The following OR4K17 variants were observed in gnomAD, a reference collection of about 807,000 sequenced individuals.
The protein encoded by OR4K17 is olfactory receptor family 4 subfamily K member 17.
For missense variants in OR4K17, 480 were observed against 366.3 expected (o/e 1.31, Z -2.53); for synonymous variants, 157 against 132.8 (o/e 1.18, Z -1.25).
chr14:20,117,580 C>T lies in OR4K17; in HGVS notation c.81C>T (p.Leu27=), dbSNP rs2139056188. The T allele has an allele frequency of 6.2e-7, 1 of 1,613,946 alleles. No individual in the cohort carries two copies. Among genetic ancestry groups the T allele is most frequent in the African/African-American group, 1.3e-5 (1 of 74,982 alleles). Residue 27 remains leucine, a synonymous_variant, in exon 2 of 2, where the codon CTC becomes CTT. Coordinates refer to ENST00000641386, the MANE Select transcript of OR4K17 (RefSeq NM_001004715.5). ...LTSSQDVEFL[L]FALFSVIYVV... Reference sequence around the variant, plus strand: ...GCTCCCAGGATGTAGAGTTTCTTCTCTTTGCCCTCTTCTCGGTTATCTATG... The same window carrying T: ...GCTCCCAGGATGTAGAGTTTCTTCTTTTTGCCCTCTTCTCGGTTATCTATG...
chr14:20,112,067 AGAG>A (rs1877894544), intron 1 of OR4K17: 1 of 152,052 alleles, frequency 6.6e-6, no homozygotes, highest in African/African-American at 2.4e-5. Context: ...TCATTTATTC[AGAG>A]GAGTAAGGAA....
At chr14:20,111,929 C>T (rs1877891350) in intron 1 of OR4K17, 1 of 152,014 alleles carries the variant, frequency 6.6e-6, no homozygotes, top group Non-Finnish European at 1.5e-5. Flanking sequence ...CCAGTTTCTT[C>T]CTGCAGTGGA....
In OR4K17 at chr14:20,119,235, AAAGTGCCC is replaced by A. The variant is rs1878100445; in HGVS notation, c.*799_*806del. The A allele has an allele frequency of 6.6e-6, 1 of 152,160 alleles. No homozygotes were observed. Among genetic ancestry groups the A allele is most frequent in the South Asian group, 2.1e-4 (1 of 4,830 alleles). 9.4% of individuals were successfully genotyped at this position (152,160 alleles called of 1,614,324 possible). On this transcript the variant is annotated 3_prime_UTR_variant, in exon 2 of 2. Coordinates refer to ENST00000641386, the MANE Select transcript of OR4K17 (RefSeq NM_001004715.5). ...ATCGCTGTTATCCTGTTCTTTTTTC[AAAGTGCCC>A]AGATTTCATATTGTTTAAACACACA...
rs953599847 is a variant in OR4K17 at position 20,117,621 on chromosome 14, G to C, written c.122G>C (p.Gly41Ala). ...GTTATCTATGTGGTCACAGTTTTGG[G>C]TAACCTTCTTATTATAGTCACAGTG... ...FSVIYVVTVLGNLLIIVTVFN... is the reference protein window; with the variant it reads ...FSVIYVVTVLANLLIIVTVFN... Residue 41 changes from glycine to alanine, a missense_variant, in exon 2 of 2, where the codon GGT (glycine) becomes GCT (alanine). Coordinates refer to ENST00000641386, the MANE Select transcript of OR4K17 (RefSeq NM_001004715.5). The C allele has an allele frequency of 6.2e-7, 1 of 1,613,746 alleles. No homozygotes were observed. Among genetic ancestry groups the C allele is most frequent in the Non-Finnish European group, 8.5e-7 (1 of 1,179,852 alleles).
intron 1 of OR4K17, among the ~76,000 whole-genome samples, chr14:20,112,770 G>T (rs1040764412): frequency 2.6e-5 from 4 of 151,972 alleles, no homozygotes; most frequent in Non-Finnish European, 4.4e-5. Flanking sequence ...TCCGGAGTGA[G>T]AATTATATAA....
chr14:20,118,497 T>C lies in OR4K17; in HGVS notation c.*59T>C. 1 of 952,698 alleles carries C rather than the reference T, an allele frequency of 1.0e-6. No individual in the cohort carries two copies. Among genetic ancestry groups the C allele is most frequent in the South Asian group, 1.7e-5 (1 of 59,582 alleles). 59.0% of individuals were successfully genotyped at this position (952,698 alleles called of 1,614,324 possible). A position where few individuals can be genotyped will look rare whatever the true frequency, so the allele number is the denominator to read the frequency against. ...GGCTGATGCCTGTAATCCCCACACT[T>C]TGGGAGGAATATCAGGGGAACCAGC... On this transcript the variant is annotated 3_prime_UTR_variant, in exon 2 of 2. Transcript: ENST00000641386.
chr14:20,119,267 C>G lies in OR4K17; in HGVS notation c.*829C>G, dbSNP rs1878101229. 1 of 152,114 alleles carries G rather than the reference C, an allele frequency of 6.6e-6. No homozygotes were observed. Among genetic ancestry groups the G allele is most frequent in the Non-Finnish European group, 1.5e-5 (1 of 68,036 alleles). The allele number at this position is 152,114 out of a possible 1,614,324, so 9.4% of individuals were successfully genotyped here. A position where few individuals can be genotyped will look rare whatever the true frequency, so the allele number is the denominator to read the frequency against. ...CCAGATTTCATATTGTTTAAACACACATGCTTTATGAACAATTTGTGCCAT... is the reference window on the plus strand; with the variant it reads ...CCAGATTTCATATTGTTTAAACACAGATGCTTTATGAACAATTTGTGCCAT... On this transcript the variant is annotated 3_prime_UTR_variant, in exon 2 of 2. Coordinates refer to ENST00000641386, the MANE Select transcript of OR4K17 (RefSeq NM_001004715.5).
chr14:20,114,688 T>C (rs922617164), intron 1 of OR4K17, among the ~76,000 whole-genome samples: 1 of 152,012 alleles, frequency 6.6e-6, no homozygotes, highest in African/African-American at 2.4e-5. Flanking sequence ...TGATTTGGTT[T>C]CCCAAGTCCT....
Position 20,119,956 on chromosome 14 carries a change from A to C in OR4K17, c.*1518A>C, listed in dbSNP as rs974337254. The stretch of plus-strand genomic sequence containing the variant: ...AAGGCAAGTAAAATGCAGTAAGATT[A>C]CAGTAGTCAGTCAAGATTATTTTTA... On this transcript the variant is annotated 3_prime_UTR_variant, in exon 2 of 2. Transcript: ENST00000641386. The C allele has an allele frequency of 1.3e-5, 2 of 152,216 alleles. No homozygotes were observed. The highest frequency in any genetic ancestry group is 2.9e-5 in the Non-Finnish European group (2 of 68,032). 9.4% of individuals were successfully genotyped at this position (152,216 alleles called of 1,614,324 possible). A position where few individuals can be genotyped will look rare whatever the true frequency, so the allele number is the denominator to read the frequency against.
At position 20,118,438 on chromosome 14, in the gene OR4K17, G is replaced by T; in HGVS notation, c.939G>T (p.Ter313TyrextTer13). 6.4e-7 allele frequency: 1 copy of T among 1,563,458 alleles called. No homozygotes were observed. The highest frequency in any genetic ancestry group is 8.7e-7 in the Non-Finnish European group (1 of 1,146,214). The change falls in exon 2 of 2, where the codon TAG (stop) becomes TAT (tyrosine). Residue 313 changes from the stop codon to tyrosine (Y), a stop_lost. Transcript: ENST00000641386. ...TTGTGAATTCTAGAGAAGATACTTAGATTAAAAATATAATGGTAGAGGCCG... is the reference window on the plus strand; with the variant it reads ...TTGTGAATTCTAGAGAAGATACTTATATTAAAAATATAATGGTAGAGGCCG... ...RAFVNSREDT[*>Y]
chr14:20,117,537 T>A lies in OR4K17; in HGVS notation c.38T>A (p.Ile13Asn). The change falls in exon 2 of 2, where the codon ATT (isoleucine) becomes AAT (asparagine). Residue 13 changes from isoleucine (I) to asparagine (N), a missense_variant. Physicochemically the swap from Ile to Asn is moderately radical, Grantham distance 149 (BLOSUM62 -3). Transcript: ENST00000641386. The stretch of plus-strand genomic sequence containing the variant: ...AATCAATCTCAAGTGTCAGAATTCA[T>A]TTTGCTGGGACTGACCAGCTCCCAG... ...LLNQSQVSEF[I>N]LLGLTSSQDV... 7 of 1,613,950 alleles carry A rather than the reference T, an allele frequency of 4.3e-6. No homozygotes were observed. The highest frequency in any genetic ancestry group is 5.9e-6 in the Non-Finnish European group (7 of 1,179,930).
chr14:20,118,229 A>T lies in OR4K17; in HGVS notation c.730A>T (p.Ile244Phe). ...SKARSTLTAH[I>F]TVVILFFGPC... ...AGCCCGTTCCACTTTGACTGCTCAC[A>T]TCACAGTGGTGATTCTCTTCTTTGG... Residue 244 changes from isoleucine to phenylalanine, a missense_variant, in exon 2 of 2, where the codon ATC becomes TTC. Coordinates refer to ENST00000641386, the MANE Select transcript of OR4K17 (RefSeq NM_001004715.5). 1 of 1,613,582 alleles carries T rather than the reference A, an allele frequency of 6.2e-7. No homozygotes were observed. The highest frequency in any genetic ancestry group is 8.5e-7 in the Non-Finnish European group (1 of 1,179,488).
At chr14:20,117,078 A>C (rs1878009906) in intron 1 of OR4K17, among the ~76,000 whole-genome samples, 1 of 152,124 alleles carries the variant, frequency 6.6e-6, no homozygotes, top group African/African-American at 2.4e-5. Context: ...TATTCACTCA[A>C]ATTTAAAATT....
Position 20,117,507 on chromosome 14 carries a change from T to C in OR4K17, c.8T>C (p.Leu3Pro). MK[L>P]LNQSQVSEFI... ...AGCTGTAGGATGGAGGCCATGAAAC[T>C]ATTAAATCAATCTCAAGTGTCAGAA... is the stretch of plus-strand genomic sequence containing the variant. Residue 3 changes from leucine (L) to proline (P), a missense_variant, in exon 2 of 2, where the codon CTA becomes CCA. By Grantham distance (98) the Leu-to-Pro change is moderately conservative. Transcript: ENST00000641386. 1.2e-6 allele frequency: 2 copies of C among 1,613,858 alleles called. No individual in the cohort carries two copies. The highest frequency in any genetic ancestry group is 1.7e-6 in the Non-Finnish European group (2 of 1,179,786).
rs187801072 is a variant in OR4K17, at chr14:20,117,879, G to T, written c.380G>T (p.Cys127Phe). Residue 127 changes from cysteine to phenylalanine, a missense_variant, in exon 2 of 2, where the codon TGT becomes TTT. Coordinates refer to ENST00000641386, the MANE Select transcript of OR4K17 (RefSeq NM_001004715.5). ...SMAFDRYVAI[C>F]KPLHYMTIMN... is the part of the protein sequence containing the mutation. The stretch of plus-strand genomic sequence containing the variant: ...GCTTTTGACAGATATGTGGCCATTT[G>T]TAAGCCCCTACACTACATGACCATC... 42 of 1,613,964 alleles carry T rather than the reference G, an allele frequency of 2.6e-5. No homozygotes were observed. In the African/African-American group the frequency reaches 5.3e-4, roughly 21 times the overall value.
chr14:20,113,702 T>C (rs915162041), intron 1 of OR4K17, among the ~76,000 whole-genome samples: 1 of 152,014 alleles, frequency 6.6e-6, no homozygotes, highest in South Asian at 2.1e-4. Context: ...TGCCTAACAT[T>C]GTCTTCCAGC....
intron 1 of OR4K17, among the ~76,000 whole-genome samples, chr14:20,116,958 A>T (rs1373482514): frequency 6.6e-6 from 1 of 152,200 alleles, no homozygotes; most frequent in Non-Finnish European, 1.5e-5. Flanking sequence ...TAACTCACTT[A>T]TCTAGAGCAG....
Position 20,117,510 on chromosome 14 carries a change from T to C in OR4K17, c.11T>C (p.Leu4Ser), listed in dbSNP as rs1202480616. 1.2e-6 allele frequency: 2 copies of C among 1,613,694 alleles called. No individual in the cohort carries two copies. Among genetic ancestry groups the C allele is most frequent in the Non-Finnish European group, 1.7e-6 (2 of 1,179,776 alleles). Reference sequence around the variant, plus strand: ...TGTAGGATGGAGGCCATGAAACTATTAAATCAATCTCAAGTGTCAGAATTC... The same window carrying C: ...TGTAGGATGGAGGCCATGAAACTATCAAATCAATCTCAAGTGTCAGAATTC... MKLLNQSQVSEFIL... is the reference protein window; with the variant it reads MKLSNQSQVSEFIL... The change falls in exon 2 of 2, where the codon TTA becomes TCA. Residue 4 changes from leucine (L) to serine (S), a missense_variant. Coordinates refer to ENST00000641386, the MANE Select transcript of OR4K17 (RefSeq NM_001004715.5).
At position 20,118,357 on chromosome 14, in the gene OR4K17, C is replaced by G. The variant is rs928407660; in HGVS notation, c.858C>G (p.Ile286Met). ...TIITPILNPIIYTLRNKEMKI... is the reference protein window; with the variant it reads ...TIITPILNPIMYTLRNKEMKI... The stretch of plus-strand genomic sequence containing the variant: ...TCACTCCTATCTTGAATCCAATTAT[C>G]TATACTCTGAGAAACAAAGAAATGA... Residue 286 changes from isoleucine to methionine, a missense_variant, in exon 2 of 2, where the codon ATC becomes ATG. Coordinates refer to ENST00000641386, the MANE Select transcript of OR4K17 (RefSeq NM_001004715.5). 3.1e-6 allele frequency: 5 copies of G among 1,611,170 alleles called. No homozygotes were observed. In the African/African-American group the frequency reaches 6.7e-5, roughly 22 times the overall value.
Sources: gnomAD v4.1 joint callset for allele counts (sites outside exome capture counted in the v4.1 genomes callset) on GRCh38, gnomAD v4.1.1 for gene constraint, MANE v1.5 for transcripts, NCBI Gene and HGNC (gene_info 2026-07-23, HGNC 2026-07-21) for gene names.